The following RBFOX2 variants were observed in gnomAD, a reference collection of about 807,000 sequenced individuals.
RBFOX2 encodes RNA binding fox-1 homolog 2.
RBFOX2 carries 10 observed loss-of-function variants against 49.1 expected under a neutral mutation model. That is an observed-to-expected ratio of 0.20 (90% confidence interval 0.13 to 0.35). RBFOX2 has a LOEUF of 0.35. Ranked by LOEUF, RBFOX2 falls within the 10% of genes least tolerant of loss-of-function variation. The pLI is 1.00. For synonymous variants in RBFOX2, 183 were observed against 187.4 expected (o/e 0.98, Z 0.19); for missense variants, 323 against 486.9 (o/e 0.66, Z 3.17).
At chr22:35,740,925 G>A (rs1056984333) in exon 12 of RBFOX2, 1 of 152,178 alleles carries the variant, frequency 6.6e-6, no homozygotes, top group South Asian at 2.1e-4. Context: ...CACATTTGAG[G>A]AAAAGCTGCT....
At chr22:35,751,261 A>G (rs979148604) in intron 9 of RBFOX2, among the ~76,000 whole-genome samples, 2 of 152,202 alleles carry the variant, frequency 1.3e-5, no homozygotes, top group Non-Finnish European at 2.9e-5. Flanking sequence ...TTTGGTGAGC[A>G]TGTGATGTCA....
chr22:35,897,188 A>T (rs1223472324), intron 1 of RBFOX2: 3 of 723,048 alleles, frequency 4.1e-6, no homozygotes, highest in Non-Finnish European at 7.2e-6. Flanking sequence ...TTCTCTAAAG[A>T]GACCACCTGG....
chr22:35,744,183 T>C (rs1377018531), exon 12 of RBFOX2: 1 of 1,605,608 alleles, frequency 6.2e-7, no homozygotes. Context: ...GGCTGTCCCA[T>C]TTGCAGGGGT....
intron 1 of RBFOX2, among the ~76,000 whole-genome samples, chr22:35,936,149 C>A (rs992327032): frequency 3.3e-5 from 5 of 149,278 alleles, no homozygotes; most frequent in Non-Finnish European, 7.4e-5. Context: ...GGGGTCAAGG[C>A]TGCAGTGAGC....
intron 2 of RBFOX2, among the ~76,000 whole-genome samples, chr22:35,803,746 C>T (rs1325414489): frequency 6.6e-6 from 1 of 151,408 alleles, no homozygotes; most frequent in African/African-American, 2.4e-5. Context: ...AATGGAAATT[C>T]CAGAGTTGAA....
intron 2 of RBFOX2, among the ~76,000 whole-genome samples, chr22:35,782,754 A>G (rs534689044): frequency 1.3e-5 from 2 of 152,360 alleles, no homozygotes; most frequent in South Asian, 4.1e-4. Flanking sequence ...ACTGTTGGAA[A>G]AGGCTTTAGA....
At chr22:35,855,122 C>T (rs997052062) in intron 1 of RBFOX2, among the ~76,000 whole-genome samples, 8 of 152,166 alleles carry the variant, frequency 5.3e-5, no homozygotes, top group Middle Eastern at 3.4e-3. Context: ...GAAATTACTC[C>T]TGAGTCCCCT....
intron 1 of RBFOX2, among the ~76,000 whole-genome samples, chr22:35,847,831 C>T (rs2041411726): frequency 6.6e-6 from 1 of 151,854 alleles, no homozygotes; most frequent in African/African-American, 2.4e-5. Flanking sequence ...TTTATCAGTA[C>T]TAAATACTAA....
At chr22:35,799,009 T>C (rs148950453) in intron 2 of RBFOX2, among the ~76,000 whole-genome samples, 6 of 152,348 alleles carry the variant, frequency 3.9e-5, no homozygotes, top group African/African-American at 7.2e-5. Flanking sequence ...TTAGACCACC[T>C]ATACGCCTTT....
At chr22:35,782,906 T>C (rs1023513090) in intron 2 of RBFOX2, among the ~76,000 whole-genome samples, 5 of 152,366 alleles carry the variant, frequency 3.3e-5, no homozygotes, top group African/African-American at 9.6e-5. Context: ...TTTAATGGGT[T>C]GTGCATGGTA....
intron 1 of RBFOX2, among the ~76,000 whole-genome samples, chr22:35,913,371 G>A (rs2050042177): frequency 1.3e-5 from 2 of 151,794 alleles, no homozygotes; most frequent in Non-Finnish European, 2.9e-5. Context: ...GTGTTCTCTT[G>A]GGTAAGGTGT....
upstream of RBFOX2, chr22:35,938,944 T>G: frequency 6.6e-7 from 1 of 1,521,772 alleles, no homozygotes; most frequent in Non-Finnish European, 9.1e-7. Flanking sequence ...TGAAAGAAAA[T>G]GTTAGGCATA....
chr22:35,962,355 C>G (rs540169032), upstream of RBFOX2, among the ~76,000 whole-genome samples: 55 of 152,286 alleles, frequency 3.6e-4, no homozygotes, highest in African/African-American at 1.2e-3. Context: ...ACTATGTAAA[C>G]TTAACAAATT....
intron 1 of RBFOX2, among the ~76,000 whole-genome samples, chr22:35,917,194 G>A (rs1569486434): frequency 6.6e-6 from 1 of 152,216 alleles, no homozygotes; most frequent in Non-Finnish European, 1.5e-5. Flanking sequence ...AGGAGCTCAT[G>A]TTGGTAGGGG....
chr22:35,750,417 C>T, intron 9 of RBFOX2: 1 of 1,593,204 alleles, frequency 6.3e-7, no homozygotes, highest in Non-Finnish European at 8.6e-7. Context: ...TATTTACACA[C>T]AATCAGACCT....
intron 1 of RBFOX2, among the ~76,000 whole-genome samples, chr22:35,951,633 A>G (rs2054950208): frequency 7.7e-6 from 1 of 129,374 alleles, no homozygotes; most frequent in Non-Finnish European, 1.8e-5. Flanking sequence ...AAGTGAGCTG[A>G]AAAAAAATGC....
chr22:35,808,315 G>A (rs531146307), intron 2 of RBFOX2, among the ~76,000 whole-genome samples: 65 of 152,146 alleles, frequency 4.3e-4, no homozygotes, highest in African/African-American at 1.5e-3. Flanking sequence ...TATTTCTGAA[G>A]TATAAAATTA....
chr22:35,821,559 G>T (rs939610726), intron 1 of RBFOX2, among the ~76,000 whole-genome samples: 3 of 122,108 alleles, frequency 2.5e-5, no homozygotes, highest in Non-Finnish European at 4.8e-5. Context: ...CCGAGATTGC[G>T]CCACTGCACT....
chr22:35,960,732 C>A (rs530757890), intron 1 of RBFOX2, among the ~76,000 whole-genome samples: 4 of 152,154 alleles, frequency 2.6e-5, no homozygotes, highest in Admixed American at 2.6e-4. Context: ...CACAAAATCA[C>A]GAAGAGCCAA....
Sources: gnomAD v4.1 joint callset for allele counts (sites outside exome capture counted in the v4.1 genomes callset) on GRCh38, gnomAD v4.1.1 for gene constraint, MANE v1.5 for transcripts, NCBI Gene and HGNC (gene_info 2026-07-23, HGNC 2026-07-21) for gene names.